Variants in GZMM observed in about 807,000 individuals in gnomAD.
GZMM encodes the protein granzyme M.
In GZMM, 23 loss-of-function variants were observed where a neutral mutation model predicts 19.2. The ratio of observed to expected loss-of-function variants is 1.20; its 90% CI spans 0.86 to 1.69. The LOEUF is 1.69. Ranked by LOEUF, GZMM falls within the 40% of genes most tolerant of loss-of-function variation. The pLI is 0.00. For synonymous variants in GZMM, 178 were observed against 160.2 expected (o/e 1.11, Z -0.84); for missense variants, 373 against 352.2 (o/e 1.06, Z -0.47).
intron 2 of GZMM, 96 bp downstream of exon 2, chr19:547,532 T>C (rs193277130): frequency 1.5e-4 from 152 of 999,136 alleles, no homozygotes; most frequent in Middle Eastern, 1.1e-3. Flanking sequence ...TTTAGGCCCA[T>C]TGTGGGACCC....
At chr19:546,408 A>G (rs1980283330) in intron 1 of GZMM, among the ~76,000 whole-genome samples, 1 of 151,740 alleles carries the variant, frequency 6.6e-6, no homozygotes, top group African/African-American at 2.4e-5. Context: ...GGACGTGGTG[A>G]TGCGCTTCTG....
In GZMM at chr19:549,894, C is replaced by A; in HGVS notation, c.*103C>A. The A allele has an allele frequency of 1.2e-6, 1 of 816,428 alleles. No individual in the cohort carries two copies. Among genetic ancestry groups the A allele is most frequent in the East Asian group, 2.6e-5 (1 of 38,570 alleles). The allele number at this position is 816,428 out of a possible 1,614,324, so 50.6% of individuals were successfully genotyped here. On this transcript the variant is annotated 3_prime_UTR_variant, in exon 5 of 5. Transcript: ENST00000264553. ...ACGGGTGGGAGGGACAGGGAGGGAC[C>A]AATAAATCATAATGAAGAAACGCTC...
Position 548,930 on chromosome 19 carries a change from G to T in GZMM, c.357G>T (p.Gly119=), listed in dbSNP as rs549565286. Reference sequence around the variant, plus strand: ...CTTCCTGTCACTCGTAGCTGGACGGGAAAGTGAAGCCCAGCCGGACCATCC... The same window carrying T: ...CTTCCTGTCACTCGTAGCTGGACGGTAAAGTGAAGCCCAGCCGGACCATCC... ...ENDLALLQLD[G]KVKPSRTIRP... is the part of the protein sequence containing the mutation. The change falls in exon 4 of 5, where the codon GGG becomes GGT. Residue 119 remains glycine (G), a synonymous_variant. Coordinates refer to ENST00000264553, the MANE Select transcript of GZMM (RefSeq NM_005317.4). The T allele has an allele frequency of 5.8e-5, 91 of 1,572,858 alleles. 1 individual carries two copies. The East Asian group carries it at 1.6e-3, about 28-fold the overall frequency.
At chr19:547,653 A>G (rs1268462263) in intron 2 of GZMM, among the ~76,000 whole-genome samples, 1 of 152,128 alleles carries the variant, frequency 6.6e-6, no homozygotes, top group Admixed American at 6.6e-5. Flanking sequence ...CTCCTTCCAC[A>G]CCGCAGCCTG....
Position 548,594 on chromosome 19 carries a change from C to G in GZMM, c.265C>G (p.Leu89Val). ...LGLHTLDSPG[L>V]TFHIKAAIQH... ...GCTCCACACCCTGGACAGCCCCGGT[C>G]TCACCTTCCACATCAAGGCAGCCAT... Residue 89 changes from leucine to valine, a missense_variant, in exon 3 of 5, where the codon CTC becomes GTC. Coordinates refer to ENST00000264553, the MANE Select transcript of GZMM (RefSeq NM_005317.4). 1 of 1,613,512 alleles carries G rather than the reference C, an allele frequency of 6.2e-7. No homozygotes were observed. The highest frequency in any genetic ancestry group is 8.5e-7 in the Non-Finnish European group (1 of 1,179,660).
At chr19:547,832 G>A (rs866076606) in intron 2 of GZMM, among the ~76,000 whole-genome samples, 8 of 152,192 alleles carry the variant, frequency 5.3e-5, no homozygotes, top group Middle Eastern at 3.2e-3. Flanking sequence ...GGTCGAAGCC[G>A]GCCTTCGAGA....
Position 547,402 on chromosome 19 carries a change from T to G in GZMM, c.178T>G (p.Trp60Gly), listed in dbSNP as rs767160387. 1.5e-5 allele frequency: 23 copies of G among 1,513,976 alleles called. No homozygotes were observed. In the South Asian group the frequency reaches 2.6e-4, roughly 17 times the overall value. 93.8% of individuals were successfully genotyped at this position (1,513,976 alleles called of 1,614,324 possible). Residue 60 changes from tryptophan to glycine, a missense_variant, in exon 2 of 5, where the codon TGG becomes GGG. Physicochemically the swap from Trp to Gly is radical, Grantham distance 184. Coordinates refer to ENST00000264553, the MANE Select transcript of GZMM (RefSeq NM_005317.4). ...LCGGVLVHPK[W>G]VLTAAHCLAQ... is the part of the protein sequence containing the mutation. ...CGGGGGTGTCCTGGTGCACCCAAAG[T>G]GGGTGCTGACGGCTGCCCACTGCCT...
chr19:549,866 A>G lies in GZMM; in HGVS notation c.*75A>G. On this transcript the variant is annotated 3_prime_UTR_variant, in exon 5 of 5. Coordinates refer to ENST00000264553, the MANE Select transcript of GZMM (RefSeq NM_005317.4). ...CTCCAGGGGTGCAGTGGGGTGGGTGAGGACGGGTGGGAGGGACAGGGAGGG... is the reference window on the plus strand; with the variant it reads ...CTCCAGGGGTGCAGTGGGGTGGGTGGGGACGGGTGGGAGGGACAGGGAGGG... 12 of 482,892 alleles carry G rather than the reference A, an allele frequency of 2.5e-5. No individual in the cohort carries two copies. The highest frequency in any genetic ancestry group is 1.1e-4 in the East Asian group (2 of 17,662). The allele number at this position is 482,892 out of a possible 1,614,324, so 29.9% of individuals were successfully genotyped here.
chr19:549,908 G>T lies in GZMM; in HGVS notation c.*117G>T. ...CAGGGAGGGACCAATAAATCATAAT[G>T]AAGAAACGCTCAGAGCCCGCCTGAG... On this transcript the variant is annotated 3_prime_UTR_variant, in exon 5 of 5. Transcript: ENST00000264553. The T allele has an allele frequency of 2.5e-6, 2 of 800,080 alleles. No homozygotes were observed. The highest frequency in any genetic ancestry group is 3.9e-6 in the Non-Finnish European group (2 of 507,774). 49.6% of individuals were successfully genotyped at this position (800,080 alleles called of 1,614,324 possible). A position where few individuals can be genotyped will look rare whatever the true frequency, so the allele number is the denominator to read the frequency against.
Position 548,458 on chromosome 19 carries a change from C to T in GZMM, c.213-84C>T, listed in dbSNP as rs1444553410. ...GGCTGTGAGTGATGGCCATGGACAA[C>T]GGGCACAGTGGGGGCCGGGACTGCA... On this transcript the variant is annotated intron_variant, in intron 2 of 4. Coordinates refer to ENST00000264553, the MANE Select transcript of GZMM (RefSeq NM_005317.4). 3.0e-5 allele frequency: 42 copies of T among 1,389,916 alleles called. 1 individual carries two copies. The Middle Eastern group carries it at 7.7e-4, about 25-fold the overall frequency. 86.1% of individuals were successfully genotyped at this position (1,389,916 alleles called of 1,614,324 possible).
intron 2 of GZMM, among the ~76,000 whole-genome samples, chr19:547,750 C>T (rs1980344060): frequency 3.3e-5 from 5 of 152,170 alleles, no homozygotes; most frequent in African/African-American, 1.2e-4. Flanking sequence ...TGCTGATGGA[C>T]CCAACTTAGG....
intron 1 of GZMM, among the ~76,000 whole-genome samples, chr19:546,858 T>G (rs1192776659): frequency 1.1e-4 from 3 of 28,082 alleles, no homozygotes; most frequent in Non-Finnish European, 3.1e-4. Context: ...AAAAAAAAAG[T>G]TTTTTTTAAG....
At chr19:549,473 C>T (rs937076836) in intron 4 of GZMM, among the ~76,000 whole-genome samples, 157 bp from the exon 5 acceptor site, 37 of 152,164 alleles carry the variant, frequency 2.4e-4, no homozygotes, top group African/African-American at 8.0e-4. Flanking sequence ...ACAGGGCCAG[C>T]GGGAGATGGG....
At chr19:545,403 GAT>G (rs1980237721) in intron 1 of GZMM, among the ~76,000 whole-genome samples, 2 of 151,986 alleles carry the variant, frequency 1.3e-5, no homozygotes, top group Non-Finnish European at 2.9e-5. Context: ...GCTGGAGTGC[GAT>G]GGTGCCATCT....
At position 544,765 on chromosome 19, in the gene GZMM, G is replaced by C. The variant is rs56209159; in HGVS notation, c.55+639G>C. Among the ~76,000 whole-genome samples, 8 of 54,716 alleles carry C rather than the reference G, an allele frequency of 1.5e-4. No homozygotes were observed. In the South Asian group the frequency reaches 5.5e-3, roughly 37 times the overall value. 35.9% of individuals were successfully genotyped at this position (54,716 alleles called of 152,430 possible). ...TCCCCTTCCTTCCCTCTACCCGTCC[G>C]TCCACCCATCATTCCTCCTTCCATT... On this transcript the variant is annotated intron_variant, in intron 1 of 4. Transcript: ENST00000264553.
At chr19:549,285 A>T in intron 4 of GZMM, 100 bp downstream of exon 4, 2 of 1,143,600 alleles carry the variant, frequency 1.7e-6, no homozygotes, top group Non-Finnish European at 2.4e-6. Context: ...TTCTCTGGGG[A>T]GTCCTGTCAG....
rs192434736 is a variant in GZMM, at chr19:546,222, A to G, written c.56-1058A>G. On this transcript the variant is annotated intron_variant, in intron 1 of 4. Transcript: ENST00000264553. ...GTACAGCTTTATTAGGAAATTATGC[A>G]CTATACAATTTACTTATTTAAAGAC... Among the ~76,000 whole-genome samples, 1,294 of 152,288 alleles carry G rather than the reference A, an allele frequency of 8.5e-3. 11 individuals are homozygous for G. Among genetic ancestry groups the G allele is most frequent in the Non-Finnish European group, 0.012 (821 of 68,020 alleles).
In GZMM at chr19:546,888, C is replaced by T. The variant is rs946603609; in HGVS notation, c.56-392C>T. Among the ~76,000 whole-genome samples the T allele has an allele frequency of 4.6e-5, 7 of 151,718 alleles. No homozygotes were observed. The South Asian group carries it at 6.3e-4, about 14-fold the overall frequency. On this transcript the variant is annotated intron_variant, in intron 1 of 4. Coordinates refer to ENST00000264553, the MANE Select transcript of GZMM (RefSeq NM_005317.4). ...TTTAAGAGACTGGGTCTTGCTGTGTCGCCCAGGCTGGTCTCGAACTCCTGG... is the reference window on the plus strand; with the variant it reads ...TTTAAGAGACTGGGTCTTGCTGTGTTGCCCAGGCTGGTCTCGAACTCCTGG...
In GZMM at chr19:547,275, G is replaced by A. The variant is rs1980320716; in HGVS notation, c.56-5G>A. On this transcript the variant is annotated splice_polypyrimidine_tract_variant and splice_region_variant and intron_variant, in intron 1 of 4. Coordinates refer to ENST00000264553, the MANE Select transcript of GZMM (RefSeq NM_005317.4). ...AACCTGGCTCTTTGTCCCCCATCCT[G>A]GCAGGCAGCTCCTTTGGGACCCAGA... 1 of 1,504,124 alleles carries A rather than the reference G, an allele frequency of 6.6e-7. No individual in the cohort carries two copies. The highest frequency in any genetic ancestry group is 8.9e-7 in the Non-Finnish European group (1 of 1,125,572). The allele number at this position is 1,504,124 out of a possible 1,614,324, so 93.2% of individuals were successfully genotyped here. A position where few individuals can be genotyped will look rare whatever the true frequency, so the allele number is the denominator to read the frequency against.
Sources: gnomAD v4.1 joint callset for allele counts (sites outside exome capture counted in the v4.1 genomes callset) on GRCh38, gnomAD v4.1.1 for gene constraint, MANE v1.5 for transcripts, NCBI Gene and HGNC (gene_info 2026-07-23, HGNC 2026-07-21) for gene names.